The following NCAM1 variants were observed in gnomAD, a reference collection of about 807,000 sequenced individuals.
The protein encoded by NCAM1 is antigen recognized by monoclonal antibody 5.1H11.
In NCAM1, 14 loss-of-function variants were observed where a neutral mutation model predicts 109.8. The observed-to-expected ratio is 0.13, with a 90% CI of 0.08 to 0.20. NCAM1 has a LOEUF of 0.20. NCAM1 is among the 10% of genes least tolerant of loss of function. NCAM1 has a pLI of 1.00. For synonymous variants in NCAM1, 418 were observed against 442.9 expected, an observed-to-expected ratio of 0.94 and a Z score of 0.70; for missense variants, 774 against 1,109.9, an observed-to-expected ratio of 0.70 and a Z score of 4.30.
intron 1 of NCAM1, among the ~76,000 whole-genome samples, chr11:113,156,040 C>T (rs970183306): frequency 2.0e-5 from 3 of 152,142 alleles, no homozygotes; most frequent in Admixed American, 2.0e-4. Flanking sequence ...GAGCAAATGG[C>T]ACACAAGCCT....
intron 1 of NCAM1, among the ~76,000 whole-genome samples, chr11:113,179,807 T>C (rs1555107680): frequency 6.6e-6 from 1 of 152,200 alleles, no homozygotes; most frequent in Non-Finnish European, 1.5e-5. Context: ...TTCTTTTGCT[T>C]TTAGGATGCA....
chr11:113,240,193 C>T (rs1945281901), intron 14 of NCAM1, among the ~76,000 whole-genome samples: 1 of 152,186 alleles, frequency 6.6e-6, no homozygotes, highest in Non-Finnish European at 1.5e-5. Context: ...TTTTGGAAGG[C>T]AGCAGTGGTT....
At chr11:113,269,768 G>T (rs1555124877) in intron 17 of NCAM1, 2 of 230,544 alleles carry the variant, frequency 8.7e-6, no homozygotes, top group African/African-American at 2.3e-5. Flanking sequence ...CCCTATCCCT[G>T]AGCACTTGAG....
At chr11:113,221,350 A>C in intron 9 of NCAM1, 25 bp downstream of exon 9, 1 of 1,565,134 alleles carries the variant, frequency 6.4e-7, no homozygotes, top group Non-Finnish European at 8.7e-7. Context: ...ACCACTAGCC[A>C]GTCTTTAGTT....
chr11:113,122,505 C>T (rs1348811694), intron 1 of NCAM1, among the ~76,000 whole-genome samples: 3 of 152,138 alleles, frequency 2.0e-5, no homozygotes, highest in South Asian at 2.1e-4. Flanking sequence ...AGAAACTCGC[C>T]GGGCATGGTG....
chr11:113,264,899 T>C (rs1555124135), intron 17 of NCAM1: 1 of 985,514 alleles, frequency 1.0e-6, no homozygotes, highest in Middle Eastern at 5.2e-4. Context: ...GAGTTCCTGG[T>C]GACAGCTGCA....
At chr11:113,149,214 C>T (rs1555101958) in intron 1 of NCAM1, among the ~76,000 whole-genome samples, 1 of 152,172 alleles carries the variant, frequency 6.6e-6, no homozygotes, top group East Asian at 1.9e-4. Flanking sequence ...TCCTCCAAGA[C>T]AAGGGTGCAC....
intron 1 of NCAM1, among the ~76,000 whole-genome samples, chr11:113,155,432 C>T (rs1261876): frequency 0.052 from 7,848 of 151,842 alleles, 380 homozygotes; most frequent in African/African-American, 0.12. Context: ...TCACTTGAAC[C>T]CAGGAGGCGG....
chr11:113,009,331 T>TTTTTTTTTTTTTTTTTTTTTTTG (rs1565379756), intron 1 of NCAM1, among the ~76,000 whole-genome samples: 1 of 136,616 alleles, frequency 7.3e-6, no homozygotes, highest in East Asian at 2.2e-4. Flanking sequence ...TTTTTTTTTT[T>TTTTTTTTTTTTTTTTTTTTTTTG]TTTTTTTTTT....
intron 1 of NCAM1, among the ~76,000 whole-genome samples, chr11:113,044,456 G>C (rs1200616877): frequency 6.6e-6 from 1 of 152,008 alleles, no homozygotes; most frequent in East Asian, 1.9e-4. Context: ...AGGCTGAGGC[G>C]GGCCGATCAC....
At chr11:113,180,083 T>C (rs781932982) in intron 1 of NCAM1, among the ~76,000 whole-genome samples, 27 of 152,218 alleles carry the variant, frequency 1.8e-4, no homozygotes, top group Admixed American at 3.3e-4. Context: ...CTGCTGCAGC[T>C]GCTGCTCCTT....
chr11:113,126,430 T>G (rs2136082569), intron 1 of NCAM1, among the ~76,000 whole-genome samples: 1 of 152,144 alleles, frequency 6.6e-6, no homozygotes, highest in East Asian at 1.9e-4. Flanking sequence ...GGTACAGAGT[T>G]CTCCACGTTG....
intron 1 of NCAM1, among the ~76,000 whole-genome samples, chr11:113,014,318 A>G (rs1376036311): frequency 1.3e-5 from 2 of 152,106 alleles, no homozygotes; most frequent in Admixed American, 1.3e-4. Context: ...TGGAAATAGC[A>G]TTTTCTCCAA....
intron 1 of NCAM1, among the ~76,000 whole-genome samples, chr11:113,190,096 A>C (rs1191200938): frequency 6.6e-6 from 1 of 152,136 alleles, no homozygotes; most frequent in African/African-American, 2.4e-5. Flanking sequence ...CAGCCCTCCC[A>C]ACTGACTCCA....
At chr11:113,199,767 A>G (rs1943980167) in intron 1 of NCAM1, among the ~76,000 whole-genome samples, 1 of 151,096 alleles carries the variant, frequency 6.6e-6, no homozygotes, top group African/African-American at 2.4e-5. Context: ...CATGTACCCT[A>G]AAACTTAAAG....
rs782012893 is a variant in NCAM1, at chr11:113,273,752, C to T, written c.2457-1515C>T. ...CGCCTGCGCCAGCAAAGACCGAGTA[C>T]GGCCTCTCTTTGTCTGCTGTCATCG... On this transcript the variant is annotated intron_variant, in intron 19 of 19. Transcript: ENST00000316851. The surrounding 1 kb of genome is among the most constrained non-coding windows in gnomAD (Gnocchi z 6.0). The T allele has an allele frequency of 7.1e-5, 31 of 433,788 alleles. 1 individual carries two copies. The East Asian group carries it at 1.4e-3, about 19-fold the overall frequency. 26.9% of individuals were successfully genotyped at this position (433,788 alleles called of 1,614,324 possible).
At chr11:113,062,942 T>G (rs1437563540) in intron 1 of NCAM1, among the ~76,000 whole-genome samples, 2 of 152,110 alleles carry the variant, frequency 1.3e-5, no homozygotes, top group African/African-American at 4.8e-5. Flanking sequence ...CACTCCAGCC[T>G]GGGCAACAGA....
intron 8 of NCAM1, among the ~76,000 whole-genome samples, chr11:113,220,032 A>G (rs1294640189): frequency 1.3e-5 from 2 of 152,208 alleles, no homozygotes; most frequent in African/African-American, 2.4e-5. Flanking sequence ...TTGCGTTGCT[A>G]TGATTCTGGC....
At chr11:113,234,892 A>G (rs1204290358) in intron 13 of NCAM1, 141 bp from the exon 14 acceptor site, 6 of 1,125,526 alleles carry the variant, frequency 5.3e-6, no homozygotes, top group African/African-American at 3.2e-5. Flanking sequence ...TTTCAATTCT[A>G]TGCATATGCC....
Sources: gnomAD v4.1 joint callset for allele counts (sites outside exome capture counted in the v4.1 genomes callset) on GRCh38, gnomAD v4.1.1 for gene constraint, Gnocchi (gnomAD v3.1) non-coding constraint, MANE v1.5 for transcripts, NCBI Gene and HGNC (gene_info 2026-07-23, HGNC 2026-07-21) for gene names.